The following C2orf49 variants were observed in gnomAD, a reference collection of about 807,000 sequenced individuals.
The protein encoded by C2orf49 is tRNA splicing ligase complex subunit 2.
A neutral mutation model predicts 20.6 loss-of-function variants in C2orf49; 11 were observed. That is an observed-to-expected ratio of 0.53 (90% CI 0.34 to 0.88). The LOEUF is 0.88. Among genes scored for constraint, C2orf49 ranks in the 40% least tolerant of loss-of-function variants. C2orf49 has a pLI of 0.02. For synonymous variants in C2orf49, 134 were observed against 108.5 expected (o/e 1.24, Z -1.46); for missense variants, 289 against 274.2 (o/e 1.05, Z -0.38).
Position 105,347,425 on chromosome 2 carries a change from TA to T in C2orf49, c.*2055del, listed in dbSNP as rs1426146247. ...TTTTAAGTCAGTGGGAACTTATTTT[TA>T]GTTACTCAATAAAATTAATATTTTA... On this transcript the variant is annotated 3_prime_UTR_variant, in exon 4 of 4. Transcript: ENST00000258457. The T allele has an allele frequency of 1.3e-5, 2 of 152,222 alleles. No individual in the cohort carries two copies. The highest frequency in any genetic ancestry group is 2.9e-5 in the Non-Finnish European group (2 of 68,038). The allele number at this position is 152,222 out of a possible 1,614,324, so 9.4% of individuals were successfully genotyped here.
In C2orf49 at chr2:105,346,536, T is replaced by C. The variant is rs1351735495; in HGVS notation, c.*1165T>C. The C allele has an allele frequency of 1.3e-5, 2 of 152,094 alleles. No individual in the cohort carries two copies. The highest frequency in any genetic ancestry group is 1.3e-4 in the Admixed American group (2 of 15,262). 9.4% of individuals were successfully genotyped at this position (152,094 alleles called of 1,614,324 possible). ...TCAGGCAGAGTAATCATGTTAGAGG[T>C]GGTATTCGATGGAAGAAAGTTTAGA... is the stretch of plus-strand genomic sequence containing the variant. On this transcript the variant is annotated 3_prime_UTR_variant, in exon 4 of 4. Transcript: ENST00000258457.
rs563904241 is a variant in C2orf49 at position 105,345,361 on chromosome 2, C to T, written c.689C>T (p.Thr230Ile). ...PQAKRKIQHV[T>I]WP is the part of the protein sequence containing the mutation. ...GCAAAAAGGAAGATACAACATGTTACTTGGCCCTGAAGAAAAGTTTCCAAA... is the reference window on the plus strand; with the variant it reads ...GCAAAAAGGAAGATACAACATGTTATTTGGCCCTGAAGAAAAGTTTCCAAA... Residue 230 changes from threonine to isoleucine, a missense_variant, in exon 4 of 4, where the codon ACT becomes ATT. By Grantham distance (89) the Thr-to-Ile change is moderately conservative (BLOSUM62 -1). Transcript: ENST00000258457. The T allele has an allele frequency of 3.7e-6, 6 of 1,612,900 alleles. No individual in the cohort carries two copies. The East Asian group carries it at 1.3e-4, about 36-fold the overall frequency.
the C2orf49 span, among the ~76,000 whole-genome samples, chr2:105,369,546 G>A: frequency 6.6e-5 from 10 of 152,270 alleles, no homozygotes; most frequent in Middle Eastern, 0.01. Context: ...GACACGCAGC[G>A]ATCTTTTAAT....
At chr2:105,355,924 A>G in the C2orf49 span, among the ~76,000 whole-genome samples, 1 of 152,092 alleles carries the variant, frequency 6.6e-6, no homozygotes, top group East Asian at 1.9e-4. Context: ...ATGAACATAC[A>G]TGGCTGTGTT....
the C2orf49 span, among the ~76,000 whole-genome samples, chr2:105,369,424 T>C: frequency 6.6e-6 from 1 of 152,208 alleles, no homozygotes; most frequent in South Asian, 2.1e-4. Flanking sequence ...ACGATTGTTA[T>C]TTAGGATCAT....
chr2:105,382,532 T>C, the C2orf49 span, among the ~76,000 whole-genome samples: 2 of 152,238 alleles, frequency 1.3e-5, no homozygotes, highest in Admixed American at 1.3e-4. Flanking sequence ...AAAAAGTTCC[T>C]ACCTATAGGG....
chr2:105,338,591 C>G (rs1045190005), intron 1 of C2orf49, among the ~76,000 whole-genome samples: 6 of 152,180 alleles, frequency 3.9e-5, no homozygotes, highest in African/African-American at 1.4e-4. Context: ...CCACCACTGT[C>G]CTAAGGCAAT....
chr2:105,383,565 C>T, the C2orf49 span, among the ~76,000 whole-genome samples: 2 of 152,070 alleles, frequency 1.3e-5, no homozygotes, highest in Non-Finnish European at 2.9e-5. Context: ...ATAGGCATGC[C>T]AACATTTAAA....
In C2orf49 at chr2:105,348,502, A is replaced by C. The variant is rs181580947; in HGVS notation, c.*3131A>C. 6.7e-6 allele frequency: 1 copy of C among 148,314 alleles called. No individual in the cohort carries two copies. Among genetic ancestry groups the C allele is most frequent in the African/African-American group, 2.5e-5 (1 of 40,622 alleles). The allele number at this position is 148,314 out of a possible 1,614,324, so 9.2% of individuals were successfully genotyped here. A position where few individuals can be genotyped will look rare whatever the true frequency, so the allele number is the denominator to read the frequency against. ...ATGTGACCTTTTAAATACTTACATT[A>C]AGTAAAACTGCCAGTAGATTAAATC... On this transcript the variant is annotated 3_prime_UTR_variant, in exon 4 of 4. Coordinates refer to ENST00000258457, the MANE Select transcript of C2orf49 (RefSeq NM_024093.3).
chr2:105,363,720 G>T, the C2orf49 span, among the ~76,000 whole-genome samples: 2 of 152,308 alleles, frequency 1.3e-5, no homozygotes, highest in African/African-American at 4.8e-5. Context: ...CCTTCCCAGG[G>T]ATGCTGGGGA....
At chr2:105,366,480 G>A in the C2orf49 span, among the ~76,000 whole-genome samples, 97 of 152,330 alleles carry the variant, frequency 6.4e-4, no homozygotes, top group African/African-American at 2.1e-3. Flanking sequence ...TGCCCAGGGC[G>A]AGTGAGCAGT....
At chr2:105,344,876 C>T (rs1389258814) in intron 3 of C2orf49, among the ~76,000 whole-genome samples, 1 of 152,040 alleles carries the variant, frequency 6.6e-6, no homozygotes, top group Non-Finnish European at 1.5e-5. Flanking sequence ...CCTGCCCAGC[C>T]TATTTGCATT....
At position 105,342,950 on chromosome 2, in the gene C2orf49, T is replaced by C. The variant is rs183624819; in HGVS notation, c.369T>C (p.Asn123=). 5.0e-6 allele frequency: 8 copies of C among 1,614,248 alleles called. No individual in the cohort carries two copies. The highest frequency in any genetic ancestry group is 2.2e-5 in the East Asian group (1 of 44,888). Residue 123 remains asparagine, a synonymous_variant, in exon 3 of 4, where the codon AAT becomes AAC. Transcript: ENST00000258457. ...IKVKKTENGD[N]DRLKPPPQAS... The stretch of plus-strand genomic sequence containing the variant: ...TGAAAAAGACAGAGAATGGAGATAA[T>C]GATCGACTGAAGCCTCCCCCGCAGG...
rs1245018962 is a variant in C2orf49 at position 105,346,594 on chromosome 2, A to G, written c.*1223A>G. 2.0e-5 allele frequency: 3 copies of G among 152,242 alleles called. No homozygotes were observed. The highest frequency in any genetic ancestry group is 7.2e-5 in the African/African-American group (3 of 41,450). 9.4% of individuals were successfully genotyped at this position (152,242 alleles called of 1,614,324 possible). On this transcript the variant is annotated 3_prime_UTR_variant, in exon 4 of 4. Transcript: ENST00000258457. ...GAGTGGGGGTAGAATTCTAGAATTT[A>G]TAAGAGTCCAGGAAGCATAGCAGTC...
the C2orf49 span, among the ~76,000 whole-genome samples, chr2:105,372,661 C>T: frequency 2.2e-4 from 34 of 152,018 alleles, no homozygotes; most frequent in Admixed American, 1.2e-3. Context: ...TGGTGGTGCA[C>T]GCCTGTAGTC....
At chr2:105,363,703 C>T in the C2orf49 span, among the ~76,000 whole-genome samples, 11 of 152,170 alleles carry the variant, frequency 7.2e-5, no homozygotes, top group African/African-American at 1.9e-4. Flanking sequence ...TTGGGGTTGC[C>T]CTCAGCCCTT....
rs1679826499 is a variant in C2orf49, at chr2:105,346,871, A to G, written c.*1500A>G. ...AGTGGGAAAATAGGGTTTACCTTATATTCATGAGTTCTAGTTTCTACTGTT... is the reference window on the plus strand; with the variant it reads ...AGTGGGAAAATAGGGTTTACCTTATGTTCATGAGTTCTAGTTTCTACTGTT... On this transcript the variant is annotated 3_prime_UTR_variant, in exon 4 of 4. Transcript: ENST00000258457. 6.6e-6 allele frequency: 1 copy of G among 152,228 alleles called. No individual in the cohort carries two copies. Among genetic ancestry groups the G allele is most frequent in the Admixed American group, 6.5e-5 (1 of 15,284 alleles). The allele number at this position is 152,228 out of a possible 1,614,324, so 9.4% of individuals were successfully genotyped here.
At chr2:105,362,535 C>CTGAT in the C2orf49 span, among the ~76,000 whole-genome samples, 1 of 152,206 alleles carries the variant, frequency 6.6e-6, no homozygotes, top group African/African-American at 2.4e-5. Flanking sequence ...CCACCTTCCT[C>CTGAT]TGATAGGAAC....
the C2orf49 span, chr2:105,376,792 C>T: frequency 6.6e-6 from 1 of 152,190 alleles, no homozygotes; most frequent in East Asian, 1.9e-4. Context: ...AAGGGGTAAA[C>T]AAAATGTGGT....
Sources: gnomAD v4.1 joint callset for allele counts (sites outside exome capture counted in the v4.1 genomes callset) on GRCh38, gnomAD v4.1.1 for gene constraint, MANE v1.5 for transcripts, NCBI Gene and HGNC (gene_info 2026-07-23, HGNC 2026-07-21) for gene names.